The following RBM33 variants were observed in gnomAD, a reference collection of about 807,000 sequenced individuals.
RBM33 encodes RNA binding motif protein 33.
Under a neutral mutation model 132.6 loss-of-function variants are expected in RBM33, and 28 were observed. The ratio of observed to expected loss-of-function variants is 0.21; its 90% CI spans 0.16 to 0.29. RBM33 has a LOEUF of 0.29. RBM33 is among the 10% of genes least tolerant of loss of function. The pLI is 1.00. For missense variants in RBM33, 1,291 were observed against 1,518.5 expected, an observed-to-expected ratio of 0.85 and a Z score of 2.49; for synonymous variants, 634 against 593.0, an observed-to-expected ratio of 1.07 and a Z score of -1.01.
At chr7:155,675,157 AT>A (rs946237350) in intron 3 of RBM33, among the ~76,000 whole-genome samples, 1 of 152,008 alleles carries the variant, frequency 6.6e-6, no homozygotes, top group Non-Finnish European at 1.5e-5. Context: ...AAATACAAAA[AT>A]TAGCCGGGCA....
intron 12 of RBM33, among the ~76,000 whole-genome samples, chr7:155,740,289 A>T (rs1162311122): frequency 6.6e-6 from 1 of 152,228 alleles, no homozygotes; most frequent in African/African-American, 2.4e-5. Context: ...TTGTATCTAG[A>T]TATTTCTATA....
rs114817524 is a variant in RBM33 at position 155,771,481 on chromosome 7, C to A, written c.3376-3078C>A. Among the ~76,000 whole-genome samples, 1,064 of 152,174 alleles carry A rather than the reference C, an allele frequency of 7.0e-3. 17 individuals are homozygous for A. The highest frequency in any genetic ancestry group is 0.024 in the African/African-American group (1,001 of 41,522). On this transcript the variant is annotated intron_variant, in intron 16 of 17. Coordinates refer to ENST00000401878, the MANE Select transcript of RBM33 (RefSeq NM_053043.3). ...TTCATTATGTTGAGTGACTGAAAAC[C>A]AAGGCATTCCTCTGATTGAAGAATC...
chr7:155,689,114 G>T (rs1203515457), intron 5 of RBM33, among the ~76,000 whole-genome samples: 1 of 151,992 alleles, frequency 6.6e-6, no homozygotes, highest in Non-Finnish European at 1.5e-5. Flanking sequence ...GACTTTTTTT[G>T]GTTGGTAAGC....
In RBM33 at chr7:155,673,494, A is replaced by G. The variant is rs140542468; in HGVS notation, c.171+579A>G. Among the ~76,000 whole-genome samples the G allele has an allele frequency of 2.8e-5, 4 of 144,024 alleles. 1 individual carries two copies. The highest frequency in any genetic ancestry group is 1.2e-4 in the African/African-American group (4 of 34,520). 94.5% of individuals were successfully genotyped at this position (144,024 alleles called of 152,430 possible). A position where few individuals can be genotyped will look rare whatever the true frequency, so the allele number is the denominator to read the frequency against. ...TACATACACGTGTGTATATATATACACACATATATACATACACACGTGTAT... is the reference window on the plus strand; with the variant it reads ...TACATACACGTGTGTATATATATACGCACATATATACATACACACGTGTAT... On this transcript the variant is annotated intron_variant, in intron 3 of 17. Transcript: ENST00000401878.
At chr7:155,713,465 C>T (rs549578336) in intron 8 of RBM33, among the ~76,000 whole-genome samples, 3 of 151,802 alleles carry the variant, frequency 2.0e-5, no homozygotes, top group South Asian at 2.1e-4. Context: ...ACTGGGACCC[C>T]GGCACTCGAC....
chr7:155,716,988 C>T (rs1239165386), intron 8 of RBM33, among the ~76,000 whole-genome samples: 1 of 151,952 alleles, frequency 6.6e-6, no homozygotes, highest in African/African-American at 2.4e-5. Context: ...AGTGCGATGT[C>T]AATTATAAGG....
chr7:155,710,344 A>T (rs563574602), intron 7 of RBM33, among the ~76,000 whole-genome samples: 1 of 152,322 alleles, frequency 6.6e-6, no homozygotes, highest in African/African-American at 2.4e-5. Context: ...GTCAGTAAAT[A>T]GGACCTAGTT....
At position 155,673,585 on chromosome 7, in the gene RBM33, TATATATATACACAC is replaced by T. The variant is rs1286277608; in HGVS notation, c.171+676_171+689del. 2.1e-4 allele frequency among the ~76,000 whole-genome samples: 15 copies of T among 71,848 alleles called. 1 individual carries two copies. Among genetic ancestry groups the T allele is most frequent in the Non-Finnish European group, 3.4e-4 (13 of 38,618 alleles). The allele number at this position is 71,848 out of a possible 152,430, so 47.1% of individuals were successfully genotyped here. On this transcript the variant is annotated intron_variant, in intron 3 of 17. Transcript: ENST00000401878. Reference sequence around the variant, plus strand: ...ACACACATATACATACACACGTGTATATATATATACACACATATACATACACACGTGTATATATA... The same window carrying T: ...ACACACATATACATACACACGTGTATATATACATACACACGTGTATATATA...
At chr7:155,733,193 G>A (rs1801007997) in intron 9 of RBM33, among the ~76,000 whole-genome samples, 1 of 152,194 alleles carries the variant, frequency 6.6e-6, no homozygotes, top group Admixed American at 6.5e-5. Context: ...AAGTGTGTAT[G>A]TAATGTGACA....
In RBM33 at chr7:155,718,271, T is replaced by A. The variant is rs1456334384; in HGVS notation, c.1202-114T>A. The A allele has an allele frequency of 6.6e-6, 5 of 762,474 alleles. No homozygotes were observed. In the African/African-American group the frequency reaches 8.6e-5, roughly 13 times the overall value. 47.2% of individuals were successfully genotyped at this position (762,474 alleles called of 1,614,324 possible). On this transcript the variant is annotated intron_variant, in intron 8 of 17. Transcript: ENST00000401878. Reference sequence around the variant, plus strand: ...GCTTAGCTTAAGCGTAAGCACAATGTATTATATGTCTGGTACGCATAGTAT... The same window carrying A: ...GCTTAGCTTAAGCGTAAGCACAATGAATTATATGTCTGGTACGCATAGTAT...
At chr7:155,751,021 T>A (rs965132173) in intron 14 of RBM33, among the ~76,000 whole-genome samples, 1 of 152,340 alleles carries the variant, frequency 6.6e-6, no homozygotes, top group East Asian at 1.9e-4. Flanking sequence ...CATGCATTTA[T>A]GGCTTTGGAC....
In RBM33 at chr7:155,735,134, T is replaced by C. The variant is rs188432777; in HGVS notation, c.1261-2396T>C. Among the ~76,000 whole-genome samples, 3 of 152,346 alleles carry C rather than the reference T, an allele frequency of 2.0e-5. No homozygotes were observed. In the East Asian group the frequency reaches 5.8e-4, roughly 29 times the overall value. ...ATATACAAAACTAAAGATGGAATGC[T>C]AATGCTATACTTTATAAATAGAACA... On this transcript the variant is annotated intron_variant, in intron 9 of 17. Transcript: ENST00000401878.
chr7:155,708,750 A>G (rs1322006021), intron 7 of RBM33, among the ~76,000 whole-genome samples: 2 of 152,200 alleles, frequency 1.3e-5, no homozygotes, highest in African/African-American at 4.8e-5. Flanking sequence ...TTTGCTAATC[A>G]GTGATGAGAT....
intron 5 of RBM33, among the ~76,000 whole-genome samples, chr7:155,699,629 G>A (rs1799902098): frequency 6.6e-6 from 1 of 152,152 alleles, no homozygotes; most frequent in South Asian, 2.1e-4. Context: ...TCAGGCTTAA[G>A]GTGAAAGTTG....
At chr7:155,724,790 C>T (rs1453986463) in intron 9 of RBM33, among the ~76,000 whole-genome samples, 1 of 152,140 alleles carries the variant, frequency 6.6e-6, no homozygotes, top group African/African-American at 2.4e-5. Flanking sequence ...CATTTGGAGC[C>T]TGGCTGCTTT....
At chr7:155,701,588 G>A (rs1055169766) in intron 6 of RBM33, 1 of 152,312 alleles carries the variant, frequency 6.6e-6, no homozygotes, top group Non-Finnish European at 1.5e-5. Flanking sequence ...ATTTGAGTGA[G>A]CGTTAGAATC....
intron 9 of RBM33, among the ~76,000 whole-genome samples, chr7:155,727,411 G>T (rs1800824659): frequency 6.6e-6 from 1 of 152,338 alleles, no homozygotes; most frequent in Non-Finnish European, 1.5e-5. Flanking sequence ...GAATAAGTGA[G>T]AATTTGTGCT....
intron 9 of RBM33, among the ~76,000 whole-genome samples, chr7:155,731,023 T>C (rs1173981563): frequency 1.3e-5 from 2 of 152,152 alleles, no homozygotes; most frequent in Admixed American, 6.5e-5. Flanking sequence ...ATTCAGTAAC[T>C]CTTTCCTTTT....
chr7:155,714,482 G>A (rs11486691), intron 8 of RBM33, among the ~76,000 whole-genome samples: 5,467 of 152,250 alleles, frequency 0.036, 325 homozygotes, highest in African/African-American at 0.12. Context: ...GGCAAGGGCC[G>A]TCTTTGTGTT....
Sources: allele counts gnomAD v4.1 joint callset (sites outside exome capture counted in the v4.1 genomes callset), GRCh38; gene constraint gnomAD v4.1.1; transcripts MANE v1.5; gene names NCBI Gene and HGNC (gene_info 2026-07-23, HGNC 2026-07-21).